The following ZNF804B variants were observed in gnomAD, a reference collection of about 807,000 sequenced individuals.
ZNF804B encodes the protein zinc finger 804B.
ZNF804B carries 80 observed loss-of-function variants against 101.4 expected under a neutral mutation model. The observed-to-expected ratio is 0.79, with a 90% CI of 0.66 to 0.95. The LOEUF is 0.95. Among genes scored for constraint, ZNF804B ranks in the 40% least tolerant of loss-of-function variants. The pLI is 0.00. For missense variants in ZNF804B, 1,673 were observed against 1,561.9 expected (o/e 1.07, Z -1.20); for synonymous variants, 622 against 558.8 (o/e 1.11, Z -1.59).
intron 1 of ZNF804B, among the ~76,000 whole-genome samples, chr7:88,952,148 C>T (rs1380885483): frequency 7.9e-5 from 12 of 151,752 alleles, no homozygotes; most frequent in Non-Finnish European, 1.8e-4. Flanking sequence ...ATTGATGGGT[C>T]TCGTAAAGTC....
intron 1 of ZNF804B, among the ~76,000 whole-genome samples, chr7:89,090,290 T>C (rs567751359): frequency 6.6e-5 from 10 of 152,194 alleles, no homozygotes; most frequent in African/African-American, 2.4e-4. Flanking sequence ...ATGCAGTAGA[T>C]GTTCAGCGAA....
At chr7:89,046,067 T>C (rs1357807069) in intron 1 of ZNF804B, among the ~76,000 whole-genome samples, 3 of 152,050 alleles carry the variant, frequency 2.0e-5, no homozygotes, top group Middle Eastern at 3.2e-3. Flanking sequence ...CCCATGCTAT[T>C]CCCGTGATAA....
At chr7:89,020,449 T>C (rs1381876881) in intron 1 of ZNF804B, among the ~76,000 whole-genome samples, 1 of 152,146 alleles carries the variant, frequency 6.6e-6, no homozygotes, top group African/African-American at 2.4e-5. Flanking sequence ...GGGGATTTTC[T>C]TATATGTGAT....
intron 1 of ZNF804B, among the ~76,000 whole-genome samples, chr7:88,999,799 A>G (rs1014890881): frequency 3.3e-5 from 5 of 152,012 alleles, no homozygotes; most frequent in Admixed American, 3.3e-4. Context: ...TGTGTATTTT[A>G]TAAGTCACTT....
intron 1 of ZNF804B, among the ~76,000 whole-genome samples, chr7:88,811,242 C>CA (rs1225931407): frequency 1.3e-5 from 2 of 151,920 alleles, no homozygotes; most frequent in Non-Finnish European, 2.9e-5. Context: ...GGTTTGCAGC[C>CA]AATAAACAAG....
At chr7:89,200,336 A>G (rs1194980763) in intron 1 of ZNF804B, among the ~76,000 whole-genome samples, 2 of 151,992 alleles carry the variant, frequency 1.3e-5, no homozygotes, top group Non-Finnish European at 2.9e-5. Flanking sequence ...ATAGCCCCTA[A>G]CACAGTAAGA....
At chr7:89,308,824 T>C (rs761158584) in intron 2 of ZNF804B, among the ~76,000 whole-genome samples, 1 of 152,174 alleles carries the variant, frequency 6.6e-6, no homozygotes, top group Non-Finnish European at 1.5e-5. Flanking sequence ...TAGCCTTATG[T>C]AAAAAAGTAG....
At chr7:89,226,395 A>G (rs918485051) in intron 2 of ZNF804B, among the ~76,000 whole-genome samples, 1 of 152,156 alleles carries the variant, frequency 6.6e-6, no homozygotes, top group African/African-American at 2.4e-5. Flanking sequence ...TTAAACTGGA[A>G]TAATATGCTA....
At chr7:89,174,213 T>C (rs1457128069) in intron 1 of ZNF804B, among the ~76,000 whole-genome samples, 1 of 151,950 alleles carries the variant, frequency 6.6e-6, no homozygotes, top group Admixed American at 6.6e-5. Flanking sequence ...TTTCTGCCCA[T>C]TAACAATCTC....
At chr7:88,944,463 G>A (rs537872961) in intron 1 of ZNF804B, among the ~76,000 whole-genome samples, 39 of 151,278 alleles carry the variant, frequency 2.6e-4, no homozygotes, top group Non-Finnish European at 5.0e-4. Flanking sequence ...TGAGTTGCAA[G>A]GTTAATATTT....
At chr7:89,185,380 C>T (rs1788360488) in intron 1 of ZNF804B, among the ~76,000 whole-genome samples, 1 of 152,014 alleles carries the variant, frequency 6.6e-6, no homozygotes, top group Non-Finnish European at 1.5e-5. Context: ...ATGGAGTGAC[C>T]ATGAAGTTTC....
chr7:89,291,488 A>G (rs1048363661), intron 2 of ZNF804B, among the ~76,000 whole-genome samples: 3 of 152,218 alleles, frequency 2.0e-5, no homozygotes, highest in African/African-American at 7.2e-5. Context: ...CAATTAATGT[A>G]CTGAAGAATG....
intron 1 of ZNF804B, among the ~76,000 whole-genome samples, chr7:88,991,529 G>C (rs1793846383): frequency 6.6e-6 from 1 of 152,150 alleles, no homozygotes; most frequent in South Asian, 2.1e-4. Context: ...CTCCTCTGGT[G>C]AGCTTCTGAG....
rs145602315 is a variant in ZNF804B, at chr7:89,334,574, A to G, written c.1592A>G (p.Tyr531Cys). 1.9e-6 allele frequency: 3 copies of G among 1,613,646 alleles called. No homozygotes were observed. The highest frequency in any genetic ancestry group is 2.5e-6 in the Non-Finnish European group (3 of 1,179,852). ...EDQQKLIQEDYQYPKPKTMIA... is the reference protein window; with the variant it reads ...EDQQKLIQEDCQYPKPKTMIA... ...CAACAAAAATTGATCCAAGAAGATT[A>G]TCAATATCCGAAACCAAAGACGATG... Residue 531 changes from tyrosine to cysteine, a missense_variant, in exon 4 of 4, where the codon TAT becomes TGT. By Grantham distance (194) the Tyr-to-Cys change is radical (BLOSUM62 -2). Coordinates refer to ENST00000333190, the MANE Select transcript of ZNF804B (RefSeq NM_181646.5).
rs903721176 is a variant in ZNF804B, at chr7:89,056,511, T to C, written c.109-161644T>C. On this transcript the variant is annotated intron_variant, in intron 1 of 3. Coordinates refer to ENST00000333190, the MANE Select transcript of ZNF804B (RefSeq NM_181646.5). ...AAGGTCAGGGGAAGACCTGTTAAAA[T>C]TGAATACAGCAAAGAAAATCCCTCC... Among the ~76,000 whole-genome samples the C allele has an allele frequency of 3.9e-5, 6 of 152,202 alleles. No homozygotes were observed. In the East Asian group the frequency reaches 9.7e-4, roughly 25 times the overall value.
intron 1 of ZNF804B, among the ~76,000 whole-genome samples, chr7:88,929,351 A>C (rs1012763993): frequency 2.0e-4 from 30 of 151,968 alleles, no homozygotes; most frequent in Non-Finnish European, 1.5e-5. Context: ...TCTGAAAAAA[A>C]AAAAATTAGC....
At chr7:88,802,326 C>G (rs1045924883) in intron 1 of ZNF804B, among the ~76,000 whole-genome samples, 10 of 152,042 alleles carry the variant, frequency 6.6e-5, no homozygotes, top group African/African-American at 2.4e-4. Flanking sequence ...GTTTTTAAAT[C>G]AGTAAAAGAA....
chr7:89,052,926 A>T (rs1262959973), intron 1 of ZNF804B, among the ~76,000 whole-genome samples: 1 of 152,140 alleles, frequency 6.6e-6, no homozygotes, highest in South Asian at 2.1e-4. Flanking sequence ...TTTTTCTGTC[A>T]CCTAGTTAGT....
chr7:89,195,896 A>G (rs2090882868), intron 1 of ZNF804B, among the ~76,000 whole-genome samples: 2 of 152,106 alleles, frequency 1.3e-5, no homozygotes, highest in South Asian at 4.1e-4. Flanking sequence ...TGCTCAAAAA[A>G]TCAGAGAGGA....
Sources: gnomAD v4.1 joint callset for allele counts (sites outside exome capture counted in the v4.1 genomes callset) on GRCh38, gnomAD v4.1.1 for gene constraint, MANE v1.5 for transcripts, NCBI Gene and HGNC (gene_info 2026-07-23, HGNC 2026-07-21) for gene names.